Variants in C16orf89 observed in about 807,000 individuals in gnomAD.
The protein encoded by C16orf89 is UPF0764 protein C16orf89.
In C16orf89, 57 loss-of-function variants were observed where a neutral mutation model predicts 41.5. That is an observed-to-expected ratio of 1.38 (90% CI 1.11 to 1.71). The LOEUF is 1.71. Among genes scored for constraint, C16orf89 ranks in the 40% most tolerant of loss-of-function variants. The pLI is 0.00. For missense variants in C16orf89, 575 were observed against 445.9 expected (o/e 1.29, Z -2.61); for synonymous variants, 223 against 190.6 (o/e 1.17, Z -1.40).
At chr16:5,049,423 A>G (rs1204481318) in intron 6 of C16orf89, among the ~76,000 whole-genome samples, 1 of 152,248 alleles carries the variant, frequency 6.6e-6, no homozygotes, top group African/African-American at 2.4e-5. Flanking sequence ...CAGCACATGG[A>G]ACAGTCTCCA....
At chr16:5,053,806 C>G (rs956027228) in intron 6 of C16orf89, among the ~76,000 whole-genome samples, 14 of 152,286 alleles carry the variant, frequency 9.2e-5, no homozygotes, top group Admixed American at 2.0e-4. Context: ...CTTGGCCTCC[C>G]AAAGTGGTGG....
chr16:5,058,196 TACTC>T (rs1449267490), intron 4 of C16orf89, among the ~76,000 whole-genome samples: 2 of 151,934 alleles, frequency 1.3e-5, no homozygotes, highest in African/African-American at 2.4e-5. Context: ...GGCGCAATCT[TACTC>T]ACTGCAACCT....
chr16:5,054,553 A>G (rs1006703560), intron 6 of C16orf89, among the ~76,000 whole-genome samples: 2 of 152,116 alleles, frequency 1.3e-5, no homozygotes, highest in Non-Finnish European at 2.9e-5. Context: ...TCTTTTCCTC[A>G]GGCCTCTAGT....
intron 6 of C16orf89, among the ~76,000 whole-genome samples, chr16:5,049,933 CA>C (rs1304422994): frequency 6.6e-6 from 1 of 151,710 alleles, no homozygotes; most frequent in Non-Finnish European, 1.5e-5. Context: ...AAAAGATCAA[CA>C]GATAAATTAT....
At chr16:5,061,717 C>A (rs141130301) in intron 2 of C16orf89, among the ~76,000 whole-genome samples, 1 of 152,088 alleles carries the variant, frequency 6.6e-6, no homozygotes, top group Non-Finnish European at 1.5e-5. Context: ...GGGCTATGGT[C>A]CCTGCGGCTG....
intron 5 of C16orf89, 172 bp from the exon 6 acceptor site, chr16:5,055,522 A>T: frequency 1.0e-6 from 1 of 959,770 alleles, no homozygotes; most frequent in African/African-American, 1.7e-5. Context: ...CTGACCAACT[A>T]GGGGCTCCCA....
intron 6 of C16orf89, among the ~76,000 whole-genome samples, chr16:5,050,070 A>C (rs1956369874): frequency 6.6e-6 from 1 of 152,200 alleles, no homozygotes; most frequent in African/African-American, 2.4e-5. Flanking sequence ...AACAAATTAG[A>C]AAACCTAGTG....
chr16:5,064,939 A>G (rs1956704669), intron 1 of C16orf89, among the ~76,000 whole-genome samples: 1 of 152,222 alleles, frequency 6.6e-6, no homozygotes, highest in Non-Finnish European at 1.5e-5. Context: ...GAAGTACCCC[A>G]TGCAATGCAC....
At chr16:5,055,170 A>G in intron 6 of C16orf89, 76 bp downstream of exon 6, 1 of 1,269,022 alleles carries the variant, frequency 7.9e-7, no homozygotes, top group Non-Finnish European at 1.1e-6. Context: ...CATTGTTCCC[A>G]CACCTGGCCT....
At chr16:5,051,483 T>C (rs1006531283) in intron 6 of C16orf89, among the ~76,000 whole-genome samples, 2 of 152,034 alleles carry the variant, frequency 1.3e-5, no homozygotes, top group African/African-American at 4.8e-5. Flanking sequence ...CAGGAATAAA[T>C]TTAACCAAGG....
chr16:5,062,046 T>C (rs962639598), intron 2 of C16orf89, among the ~76,000 whole-genome samples: 1 of 152,166 alleles, frequency 6.6e-6, no homozygotes, highest in Non-Finnish European at 1.5e-5. Flanking sequence ...TTAAAATAAT[T>C]TGGTGACATG....
intron 4 of C16orf89, among the ~76,000 whole-genome samples, chr16:5,057,708 T>C (rs1956539733): frequency 6.6e-6 from 1 of 151,862 alleles, no homozygotes; most frequent in Non-Finnish European, 1.5e-5. Flanking sequence ...TTTGTATTTT[T>C]AGTAGAGACG....
intron 1 of C16orf89, among the ~76,000 whole-genome samples, chr16:5,064,964 C>T (rs1466285959): frequency 6.6e-6 from 1 of 152,242 alleles, no homozygotes; most frequent in Non-Finnish European, 1.5e-5. Context: ...GTTGTGCCCA[C>T]ATTGAGCAGA....
rs1956645671 is a variant in C16orf89, at chr16:5,062,464, G to T, written c.319C>A (p.Leu107Ile). The change falls in exon 2 of 8, where the codon CTC (leucine) becomes ATC (isoleucine). Residue 107 changes from leucine (L) to isoleucine (I), a missense_variant. Physicochemically the swap from Leu to Ile is conservative, Grantham distance 5. Coordinates refer to ENST00000472572, the MANE Select transcript of C16orf89 (RefSeq NM_001098514.3). ...GGATCACTCAGCTTGAGGTAGTGGA[G>T]GGATCTCTGGATGGCAGCCTCCAGC... Reference protein sequence around the residue: ...EKLEAAIQRSLHYLKLSDPKY... With the variant: ...EKLEAAIQRSIHYLKLSDPKY... 5.6e-6 allele frequency: 9 copies of T among 1,614,096 alleles called. No individual in the cohort carries two copies. The East Asian group carries it at 1.8e-4, about 32-fold the overall frequency.
chr16:5,047,920 G>T lies in C16orf89; in HGVS notation c.913C>A (p.His305Asn). ...ELSKAIQYQQ[H>N]FSRRVKRREK... ...CGCCTCTTCACTCTCCTCGAAAAAT[G>T]CTGCTGATATTGAATAGCTTTAGAT... Residue 305 changes from histidine (H) to asparagine (N), a missense_variant, in exon 7 of 8, where the codon CAT (histidine) becomes AAT (asparagine). By Grantham distance (68) the His-to-Asn change is moderately conservative. Transcript: ENST00000472572. The T allele has an allele frequency of 6.2e-7, 1 of 1,605,110 alleles. No homozygotes were observed. The highest frequency in any genetic ancestry group is 8.5e-7 in the Non-Finnish European group (1 of 1,172,774).
At chr16:5,061,502 A>AAAAAAAG (rs796550657) in intron 2 of C16orf89, among the ~76,000 whole-genome samples, 2 of 46,646 alleles carry the variant, frequency 4.3e-5, no homozygotes, top group Non-Finnish European at 3.4e-5. Flanking sequence ...AAAAAAAAAA[A>AAAAAAAG]AACCCCCCCA....
At chr16:5,044,059 G>T, downstream of C16orf89, 40 of 897,128 alleles carry the variant, frequency 4.5e-5, no homozygotes, top group Non-Finnish European at 5.3e-5. Flanking sequence ...TTGGAGAGTT[G>T]AAACAGACCA....
chr16:5,042,790 T>A (rs1956231701), downstream of C16orf89: 1 of 152,288 alleles, frequency 6.6e-6, no homozygotes, highest in Non-Finnish European at 1.5e-5. The surrounding 1 kb of genome is among the most constrained non-coding windows in gnomAD (Gnocchi z 4.2). Context: ...CAGAAGGTTT[T>A]ATTGCTAAAT....
intron 6 of C16orf89, among the ~76,000 whole-genome samples, chr16:5,051,242 A>C (rs1956390319): frequency 6.6e-6 from 1 of 152,200 alleles, no homozygotes; most frequent in African/African-American, 2.4e-5. Context: ...CATCCAAATG[A>C]AAAAGGAGGA....
Sources: gnomAD v4.1 joint callset for allele counts (sites outside exome capture counted in the v4.1 genomes callset) on GRCh38, gnomAD v4.1.1 for gene constraint, Gnocchi (gnomAD v3.1) non-coding constraint, MANE v1.5 for transcripts, NCBI Gene and HGNC (gene_info 2026-07-23, HGNC 2026-07-21) for gene names.